TECPR2: variants seen among roughly 807,000 people sequenced by gnomAD.
TECPR2 encodes tectonin beta-propeller repeat-containing protein 2.
Under a neutral mutation model 138.1 loss-of-function variants are expected in TECPR2, and 65 were observed. The ratio of observed to expected loss-of-function variants is 0.47; its 90% CI spans 0.39 to 0.58. The LOEUF is 0.58. Among genes scored for constraint, TECPR2 ranks in the 20% least tolerant of loss-of-function variants. The probability of loss-of-function intolerance (pLI) is 0.00; values close to 1 mark genes in which losing one functional copy is unlikely to be tolerated. For missense variants in TECPR2, 1,553 were observed against 1,824.5 expected, an observed-to-expected ratio of 0.85 and a Z score of 2.71; for synonymous variants, 746 against 749.8, an observed-to-expected ratio of 0.99 and a Z score of 0.08.
In TECPR2 at chr14:102,444,755, C is replaced by T. The variant is rs191008629; in HGVS notation, c.2933+928C>T. 6.0e-4 allele frequency among the ~76,000 whole-genome samples: 92 copies of T among 152,274 alleles called. 2 individuals are homozygous for T. The highest frequency in any genetic ancestry group is 2.1e-3 in the African/African-American group (88 of 41,560). ...TTGGAAGGCCAAGGCAGGCGGATCACGAGGTCAAGAGTTCGAGACCAGACT... is the reference window on the plus strand; with the variant it reads ...TTGGAAGGCCAAGGCAGGCGGATCATGAGGTCAAGAGTTCGAGACCAGACT... On this transcript the variant is annotated intron_variant, in intron 12 of 19. Transcript: ENST00000359520.
intron 17 of TECPR2, among the ~76,000 whole-genome samples, chr14:102,495,303 C>A (rs931655594): frequency 6.6e-6 from 1 of 152,198 alleles, no homozygotes; most frequent in Non-Finnish European, 1.5e-5. Flanking sequence ...AGTGTTTTGG[C>A]TGCGGAGCTG....
chr14:102,434,537 CACCATG>C lies in TECPR2; in HGVS notation c.1721_1726del (p.His574_Ala576delinsPro). 3 of 1,554,538 alleles carry C rather than the reference CACCATG, an allele frequency of 1.9e-6. No homozygotes were observed. Among genetic ancestry groups the C allele is most frequent in the Non-Finnish European group, 2.6e-6 (3 of 1,148,958 alleles). On this transcript the variant is annotated inframe_deletion, in exon 9 of 20. Coordinates refer to ENST00000359520, the MANE Select transcript of TECPR2 (RefSeq NM_014844.5). ...CATTAGAACTGAAATGCCACACTGT[CACCATG>C]CACATGGGCGGGAGCTGCTCAATGG...
intron 17 of TECPR2, among the ~76,000 whole-genome samples, chr14:102,474,037 C>A (rs1026261756): frequency 6.6e-6 from 1 of 152,166 alleles, no homozygotes; most frequent in Non-Finnish European, 1.5e-5. Context: ...GTGGGAGGAT[C>A]ACTTGAACCC....
At chr14:102,386,439 C>T (rs1888006641) in intron 2 of TECPR2, among the ~76,000 whole-genome samples, 1 of 152,074 alleles carries the variant, frequency 6.6e-6, no homozygotes, top group Non-Finnish European at 1.5e-5. Flanking sequence ...CACTGCACTA[C>T]AGCCTGGGCG....
rs943386373 is a variant in TECPR2, at chr14:102,502,140, G to C, written c.*3883G>C. ...TAAGAAGCACGTGTGTGCAGGAAGC[G>C]GAGGCGCAGGACCTCACCGCGCCAG... On this transcript the variant is annotated 3_prime_UTR_variant, in exon 20 of 20. Transcript: ENST00000359520. 9.2e-5 allele frequency: 14 copies of C among 151,614 alleles called. No individual in the cohort carries two copies. Among genetic ancestry groups the C allele is most frequent in the African/African-American group, 2.9e-4 (12 of 41,368 alleles). 9.4% of individuals were successfully genotyped at this position (151,614 alleles called of 1,614,324 possible).
At chr14:102,374,395 TCTCA>T (rs1415399384) in intron 1 of TECPR2, among the ~76,000 whole-genome samples, 1 of 152,174 alleles carries the variant, frequency 6.6e-6, no homozygotes, top group Admixed American at 6.5e-5. Flanking sequence ...AGAGACAGTG[TCTCA>T]CTCTGTCACT....
At chr14:102,410,477 A>T (rs1192244158) in intron 4 of TECPR2, among the ~76,000 whole-genome samples, 5 of 69,768 alleles carry the variant, frequency 7.2e-5, no homozygotes, top group African/African-American at 1.7e-4. Context: ...AATTAAAAAA[A>T]AAAATAAAAA....
intron 1 of TECPR2, among the ~76,000 whole-genome samples, chr14:102,376,380 C>T (rs1887639320): frequency 6.6e-6 from 1 of 152,192 alleles, no homozygotes; most frequent in Admixed American, 6.6e-5. Flanking sequence ...TCATAAGCTA[C>T]TTGGGAGTAA....
chr14:102,476,315 T>G (rs1482355304), intron 17 of TECPR2, among the ~76,000 whole-genome samples: 1 of 149,532 alleles, frequency 6.7e-6, no homozygotes, highest in Non-Finnish European at 1.5e-5. Flanking sequence ...GAGAATTGCT[T>G]AAGCTCGGGA....
intron 17 of TECPR2, among the ~76,000 whole-genome samples, chr14:102,486,784 G>A (rs535819718): frequency 7.9e-5 from 12 of 152,362 alleles, no homozygotes; most frequent in Admixed American, 5.9e-4. Context: ...TCCTCCTAGT[G>A]TGTCAGCCCT....
intron 2 of TECPR2, among the ~76,000 whole-genome samples, chr14:102,401,843 A>G (rs74620263): frequency 0.036 from 5,397 of 149,642 alleles, 110 homozygotes; most frequent in Middle Eastern, 0.091. Context: ...ACTCACTTTA[A>G]ATCCAAATGT....
At chr14:102,457,525 A>C (rs990575362) in intron 16 of TECPR2, among the ~76,000 whole-genome samples, 1 of 152,202 alleles carries the variant, frequency 6.6e-6, no homozygotes, top group East Asian at 1.9e-4. Flanking sequence ...ACTGTAAAGG[A>C]GAGTCATCAA....
At chr14:102,482,844 T>C (rs1459414439) in intron 17 of TECPR2, among the ~76,000 whole-genome samples, 4 of 118,316 alleles carry the variant, frequency 3.4e-5, no homozygotes, top group Admixed American at 3.1e-4. Flanking sequence ...CTTTCTTTTT[T>C]TTTTTTTTTT....
chr14:102,445,207 C>T (rs933419523), intron 12 of TECPR2, among the ~76,000 whole-genome samples: 6 of 152,192 alleles, frequency 3.9e-5, no homozygotes, highest in South Asian at 2.1e-4. Flanking sequence ...TTGAAGCTGA[C>T]GAGGACTTCC....
intron 17 of TECPR2, among the ~76,000 whole-genome samples, chr14:102,491,217 T>C (rs1891153231): frequency 6.6e-6 from 1 of 152,132 alleles, no homozygotes; most frequent in South Asian, 2.1e-4. Context: ...TTTTTTTACT[T>C]TTATTTTGTT....
chr14:102,494,617 C>T (rs1891233448), intron 17 of TECPR2, among the ~76,000 whole-genome samples: 1 of 151,064 alleles, frequency 6.6e-6, no homozygotes, highest in East Asian at 2.0e-4. Context: ...CACCTGAGGT[C>T]AGGAGTTCGA....
intron 5 of TECPR2, among the ~76,000 whole-genome samples, chr14:102,417,594 T>C (rs554455743): frequency 1.0e-3 from 156 of 152,308 alleles, no homozygotes; most frequent in African/African-American, 3.5e-3. Flanking sequence ...GAAGAGCTGC[T>C]GGAAGAGCAT....
intron 4 of TECPR2, among the ~76,000 whole-genome samples, chr14:102,412,310 T>A (rs1888900419): frequency 6.6e-6 from 1 of 152,086 alleles, no homozygotes; most frequent in South Asian, 2.1e-4. Flanking sequence ...TTTTTTGTAT[T>A]TTTATAGAGA....
chr14:102,451,912 C>A (rs10400743), intron 15 of TECPR2, among the ~76,000 whole-genome samples: 1 of 152,012 alleles, frequency 6.6e-6, no homozygotes, highest in Non-Finnish European at 1.5e-5. Flanking sequence ...TGCCCCACCC[C>A]CCGGCCCCAT....
Sources: allele counts gnomAD v4.1 joint callset (sites outside exome capture counted in the v4.1 genomes callset), GRCh38; gene constraint gnomAD v4.1.1; transcripts MANE v1.5; gene names NCBI Gene and HGNC (gene_info 2026-07-23, HGNC 2026-07-21).